ACOX1: variants seen among roughly 807,000 people sequenced by gnomAD.
The protein encoded by ACOX1 is acyl-CoA oxidase 1.
In ACOX1, 41 loss-of-function variants were observed where a neutral mutation model predicts 75.5. The ratio of observed to expected loss-of-function variants is 0.54; its 90% CI spans 0.42 to 0.70. The LOEUF (loss-of-function observed/expected upper bound fraction) is 0.70, where lower values mean the gene tolerates loss of function less well. Ranked by LOEUF, ACOX1 falls within the 30% of genes least tolerant of loss-of-function variation. The pLI is 0.00. For synonymous variants in ACOX1, 303 were observed against 298.8 expected, an observed-to-expected ratio of 1.01 and a Z score of -0.15; for missense variants, 630 against 837.5, an observed-to-expected ratio of 0.75 and a Z score of 3.06.
chr17:75,946,649 C>T lies in ACOX1; in HGVS notation c.*99G>A. 1 of 992,338 alleles carries T rather than the reference C, an allele frequency of 1.0e-6. No individual in the cohort carries two copies. The highest frequency in any genetic ancestry group is 1.6e-6 in the Non-Finnish European group (1 of 632,306). 61.5% of individuals were successfully genotyped at this position (992,338 alleles called of 1,614,324 possible). Reference sequence around the variant, plus strand: ...CATTTATAAAAAGGGGTCAATTTATCATTTGCTCTATAGCTATTTGAATTC... The same window carrying T: ...CATTTATAAAAAGGGGTCAATTTATTATTTGCTCTATAGCTATTTGAATTC... On this transcript the variant is annotated 3_prime_UTR_variant, in exon 14 of 14. Coordinates refer to ENST00000293217, the MANE Select transcript of ACOX1 (RefSeq NM_004035.7).
chr17:75,950,208 G>A lies in ACOX1; in HGVS notation c.1299-311C>T, dbSNP rs1024623399. The stretch of plus-strand genomic sequence containing the variant: ...CCTCAAGTGATCTACCCGGCTTGGC[G>A]TCCCAAAGTGCTGGGATTACAGGAG... On this transcript the variant is annotated intron_variant, in intron 9 of 13. Coordinates refer to ENST00000293217, the MANE Select transcript of ACOX1 (RefSeq NM_004035.7). The surrounding 1 kb of genome is among the most constrained non-coding windows in gnomAD (Gnocchi z 4.3). Among the ~76,000 whole-genome samples the A allele has an allele frequency of 1.8e-4, 27 of 150,062 alleles. No individual in the cohort carries two copies. Among genetic ancestry groups the A allele is most frequent in the African/African-American group, 6.1e-4 (25 of 40,820 alleles).
Position 75,941,758 on chromosome 17 carries a change from C to T in ACOX1, c.*4990G>A, listed in dbSNP as rs2065672348. The T allele has an allele frequency of 6.6e-6, 1 of 152,084 alleles. No homozygotes were observed. The highest frequency in any genetic ancestry group is 1.5e-5 in the Non-Finnish European group (1 of 68,028). 9.4% of individuals were successfully genotyped at this position (152,084 alleles called of 1,614,324 possible). ...GGTGAGAACCAAACTCGAGCCACAA[C>T]AGCAAAGGGGGAAAAAGGTAGCAAA... On this transcript the variant is annotated 3_prime_UTR_variant, in exon 14 of 14. Transcript: ENST00000293217.
Position 75,960,937 on chromosome 17 carries a change from C to T in ACOX1, c.270-562G>A, listed in dbSNP as rs1465631692. Among the ~76,000 whole-genome samples, 1 of 151,904 alleles carries T rather than the reference C, an allele frequency of 6.6e-6. No individual in the cohort carries two copies. The highest frequency in any genetic ancestry group is 2.4e-5 in the African/African-American group (1 of 41,344). ...AGGTTGCAGTGAGCCGAGATCATGC[C>T]CACTGCATTCCAGCCTGGGTGACAG... On this transcript the variant is annotated intron_variant, in intron 2 of 13. Transcript: ENST00000293217. This position sits in a 1 kb window ranked among gnomAD's most constrained non-coding sequence, Gnocchi z 4.4.
chr17:75,944,436 A>C lies in ACOX1; in HGVS notation c.*2312T>G, dbSNP rs1209449507. 2.6e-5 allele frequency: 4 copies of C among 152,160 alleles called. No individual in the cohort carries two copies. The highest frequency in any genetic ancestry group is 5.9e-5 in the Non-Finnish European group (4 of 68,024). The allele number at this position is 152,160 out of a possible 1,614,324, so 9.4% of individuals were successfully genotyped here. A position where few individuals can be genotyped will look rare whatever the true frequency, so the allele number is the denominator to read the frequency against. On this transcript the variant is annotated 3_prime_UTR_variant, in exon 14 of 14. Transcript: ENST00000293217. ...AACAAATGTGTACCAAGTACTTCCA[A>C]GGACTCCTAAAGTGACTGGAGCCAC...
At chr17:75,953,643 ATACTTCCT>A in intron 6 of ACOX1, 23 bp from the exon 7 acceptor site, 1 of 1,613,472 alleles carries the variant, frequency 6.2e-7, no homozygotes, top group Non-Finnish European at 8.5e-7. Context: ...CGTGGAACTG[ATACTTCCT>A]TCTTTTAAGC....
At position 75,973,389 on chromosome 17, in the gene ACOX1, C is replaced by T. The variant is rs963914970; in HGVS notation, c.269+5145G>A. ...CGCTGCACTGTAAACCCCATCTTTT[C>T]AAGCTGTTCAATAATAAAAGGCTTT... is the stretch of plus-strand genomic sequence containing the variant. On this transcript the variant is annotated intron_variant, in intron 2 of 13. Transcript: ENST00000293217. 2.5e-5 allele frequency: 14 copies of T among 558,548 alleles called. No homozygotes were observed. The East Asian group carries it at 4.4e-4, about 17-fold the overall frequency. The allele number at this position is 558,548 out of a possible 1,614,324, so 34.6% of individuals were successfully genotyped here. A position where few individuals can be genotyped will look rare whatever the true frequency, so the allele number is the denominator to read the frequency against.
intron 3 of ACOX1, 107 bp from the exon 4 acceptor site, chr17:75,957,673 C>T: frequency 1.3e-6 from 1 of 778,444 alleles, no homozygotes; most frequent in Non-Finnish European, 2.2e-6. Flanking sequence ...CAGAGAAAAA[C>T]AAAATCTAAC....
chr17:75,975,504 C>A (rs541233673), intron 2 of ACOX1, among the ~76,000 whole-genome samples: 44 of 152,270 alleles, frequency 2.9e-4, no homozygotes. Flanking sequence ...CACTTAGAAA[C>A]AAAAAACTCT....
chr17:75,971,874 A>T (rs1247243962), intron 2 of ACOX1, among the ~76,000 whole-genome samples: 1 of 152,214 alleles, frequency 6.6e-6, no homozygotes, highest in Non-Finnish European at 1.5e-5. Context: ...TTCACATCTT[A>T]TGCCTCCTAT....
At position 75,948,278 on chromosome 17, in the gene ACOX1, A is replaced by G. The variant is rs912777922; in HGVS notation, c.1908T>C (p.Ala636=). ...CTGCTTTGTTCAGTGGGGAGTTCTT[A>G]GCCCACTCAAACAAGTTTTCATACA... ...GNVYENLFEW[A]KNSPLNKAEV... The change falls in exon 13 of 14, where the codon GCT becomes GCC. Residue 636 remains alanine, a synonymous_variant. Coordinates refer to ENST00000293217, the MANE Select transcript of ACOX1 (RefSeq NM_004035.7). 6 of 1,614,036 alleles carry G rather than the reference A, an allele frequency of 3.7e-6. No homozygotes were observed. The highest frequency in any genetic ancestry group is 2.2e-5 in the East Asian group (1 of 44,894).
At chr17:75,956,979 A>T (rs1241559142) in intron 4 of ACOX1, among the ~76,000 whole-genome samples, 1 of 15,196 alleles carries the variant, frequency 6.6e-5, no homozygotes, top group Non-Finnish European at 1.3e-4. Flanking sequence ...CTCTATATAT[A>T]TATATATATA....
At position 75,949,789 on chromosome 17, in the gene ACOX1, T is replaced by C; in HGVS notation, c.1407A>G (p.Ala469=). 1 of 1,614,118 alleles carries C rather than the reference T, an allele frequency of 6.2e-7. No individual in the cohort carries two copies. The highest frequency in any genetic ancestry group is 8.5e-7 in the Non-Finnish European group (1 of 1,179,950). ...TGATATCCACCATGGTTGGCCAGACTGCTACCTGCTGTGGCTGGATGCGCT... is the reference window on the plus strand; with the variant it reads ...TGATATCCACCATGGTTGGCCAGACCGCTACCTGCTGTGGCTGGATGCGCT... ...PSQRIQPQQV[A]VWPTMVDINS... Residue 469 remains alanine (A), a synonymous_variant, in exon 10 of 14, where the codon GCA becomes GCG. Transcript: ENST00000293217.
intron 2 of ACOX1, among the ~76,000 whole-genome samples, chr17:75,968,091 A>T (rs1413464659): frequency 6.6e-6 from 1 of 151,830 alleles, no homozygotes; most frequent in Non-Finnish European, 1.5e-5. Flanking sequence ...AAAACACGTA[A>T]TAACATCCAG....
At chr17:75,971,787 C>T (rs986084862) in intron 2 of ACOX1, among the ~76,000 whole-genome samples, 4 of 151,484 alleles carry the variant, frequency 2.6e-5, no homozygotes, top group African/African-American at 9.7e-5. Flanking sequence ...TGTGATATTA[C>T]TTTATAAATG....
At chr17:75,968,017 G>A (rs2065955154) in intron 2 of ACOX1, among the ~76,000 whole-genome samples, 1 of 151,214 alleles carries the variant, frequency 6.6e-6, no homozygotes, top group Admixed American at 6.6e-5. Flanking sequence ...GGGATTACAG[G>A]CGAGAGCCAT....
chr17:75,958,568 G>A (rs111348884), intron 3 of ACOX1, among the ~76,000 whole-genome samples: 1 of 150,392 alleles, frequency 6.6e-6, no homozygotes, highest in Non-Finnish European at 1.5e-5. Flanking sequence ...CAGCACTTTG[G>A]GGGGCCAAGG....
intron 10 of ACOX1, 49 bp from the exon 11 acceptor site, chr17:75,949,649 T>C (rs1041070293): frequency 6.2e-7 from 1 of 1,612,994 alleles, no homozygotes; most frequent in Non-Finnish European, 8.5e-7. Context: ...ACAGTACTCA[T>C]GCCTTCTTGC....
chr17:75,978,815 C>G lies in ACOX1; in HGVS notation c.110-122G>C. ...CCTGGGGAATGGCGATATCCCCCCA[C>G]CAGGGACACAGGCTGTTCCTCGAAG... On this transcript the variant is annotated intron_variant, in intron 1 of 13. Transcript: ENST00000293217. The surrounding 1 kb of genome is among the most constrained non-coding windows in gnomAD (Gnocchi z 4.2). 2 of 1,602,510 alleles carry G rather than the reference C, an allele frequency of 1.2e-6. No individual in the cohort carries two copies. Among genetic ancestry groups the G allele is most frequent in the Non-Finnish European group, 1.7e-6 (2 of 1,178,250 alleles).
chr17:75,960,643 G>A lies in ACOX1; in HGVS notation c.270-268C>T, dbSNP rs1053153353. ...ATGCAGCACAAAACCACACGTGCAA[G>A]GCAGAGGATCCTCGCCCAGGAATTA... On this transcript the variant is annotated intron_variant, in intron 2 of 13. Transcript: ENST00000293217. The surrounding 1 kb of genome is among the most constrained non-coding windows in gnomAD (Gnocchi z 4.4). Among the ~76,000 whole-genome samples the A allele has an allele frequency of 1.3e-4, 20 of 152,168 alleles. No individual in the cohort carries two copies. The highest frequency in any genetic ancestry group is 4.6e-4 in the African/African-American group (19 of 41,422).
Sources: allele counts gnomAD v4.1 joint callset (sites outside exome capture counted in the v4.1 genomes callset), GRCh38; gene constraint gnomAD v4.1.1; non-coding constraint Gnocchi (gnomAD v3.1); transcripts MANE v1.5; gene names NCBI Gene and HGNC (gene_info 2026-07-23, HGNC 2026-07-21).